BMPR1B: variants seen among roughly 807,000 people sequenced by gnomAD.
The protein encoded by BMPR1B is bone morphogenetic protein receptor type-1B.
BMPR1B carries 12 observed loss-of-function variants against 59.1 expected under a neutral mutation model. That is an observed-to-expected ratio of 0.20 (90% CI 0.13 to 0.33). The LOEUF (loss-of-function observed/expected upper bound fraction) is 0.33, where lower values mean the gene tolerates loss of function less well. BMPR1B is among the 10% of genes least tolerant of loss of function. The pLI is 1.00. For synonymous variants in BMPR1B, 237 were observed against 207.3 expected, an observed-to-expected ratio of 1.14 and a Z score of -1.23; for missense variants, 550 against 610.9, an observed-to-expected ratio of 0.90 and a Z score of 1.05.
At chr4:95,008,466 T>A (rs1219465770) in intron 3 of BMPR1B, among the ~76,000 whole-genome samples, 1 of 152,180 alleles carries the variant, frequency 6.6e-6, no homozygotes, top group African/African-American at 2.4e-5. Flanking sequence ...TACAGGGGGT[T>A]ATCCACATGG....
intron 2 of BMPR1B, among the ~76,000 whole-genome samples, chr4:94,876,214 C>T (rs953186183): frequency 1.3e-5 from 2 of 152,130 alleles, no homozygotes; most frequent in African/African-American, 4.8e-5. Context: ...TAACCTTTTA[C>T]CAACCATTGC....
intron 1 of BMPR1B, among the ~76,000 whole-genome samples, chr4:94,862,134 T>G (rs1465064562): frequency 6.6e-6 from 1 of 151,472 alleles, no homozygotes; most frequent in Non-Finnish European, 1.5e-5. Context: ...CTTGGGAGAT[T>G]CCAAATTATT....
chr4:95,087,218 G>T (rs371030151), intron 3 of BMPR1B, among the ~76,000 whole-genome samples: 1 of 152,004 alleles, frequency 6.6e-6, no homozygotes, highest in African/African-American at 2.4e-5. Flanking sequence ...AGTGGAGACA[G>T]GGTTTGGCCA....
At chr4:95,036,054 G>A (rs1725219374) in intron 3 of BMPR1B, among the ~76,000 whole-genome samples, 1 of 151,944 alleles carries the variant, frequency 6.6e-6, no homozygotes, top group African/African-American at 2.4e-5. Context: ...ATCATAAAAG[G>A]AGTTGAGTTC....
chr4:94,902,086 TG>T (rs745912953), intron 2 of BMPR1B, among the ~76,000 whole-genome samples: 4 of 111,898 alleles, frequency 3.6e-5, no homozygotes, highest in African/African-American at 6.6e-5. Context: ...TGTGTGTGTG[TG>T]GGGTGTATTT....
chr4:94,985,429 G>A (rs1721335024), intron 2 of BMPR1B, among the ~76,000 whole-genome samples: 1 of 152,032 alleles, frequency 6.6e-6, no homozygotes, highest in African/African-American at 2.4e-5. Flanking sequence ...GAGAGCAGAA[G>A]TGAGACACTG....
intron 3 of BMPR1B, among the ~76,000 whole-genome samples, chr4:95,097,217 A>T (rs1027994869): frequency 1.3e-5 from 2 of 150,324 alleles, no homozygotes; most frequent in African/African-American, 4.9e-5. Flanking sequence ...TGTTTTAAAG[A>T]TCAGTTATTA....
chr4:95,023,244 A>G, intron 3 of BMPR1B, among the ~76,000 whole-genome samples: 1 of 152,170 alleles, frequency 6.6e-6, no homozygotes, highest in East Asian at 1.9e-4. Flanking sequence ...CATACAACAC[A>G]TGCCTGCCAA....
chr4:94,773,451 A>G (rs1464334006), intron 1 of BMPR1B, among the ~76,000 whole-genome samples: 1 of 152,112 alleles, frequency 6.6e-6, no homozygotes, highest in African/African-American at 2.4e-5. Context: ...TACAAATCTA[A>G]TAATTATACA....
chr4:95,044,770 C>T (rs1162824555), intron 3 of BMPR1B, among the ~76,000 whole-genome samples: 3 of 151,976 alleles, frequency 2.0e-5, no homozygotes, highest in Non-Finnish European at 4.4e-5. Context: ...CAAATTAGAA[C>T]GGGGTGGGGA....
At chr4:94,815,042 T>TG (rs1306019860) in intron 1 of BMPR1B, among the ~76,000 whole-genome samples, 1 of 152,152 alleles carries the variant, frequency 6.6e-6, no homozygotes, top group African/African-American at 2.4e-5. Context: ...TAGCTGGGAT[T>TG]ACAGGCACCT....
chr4:94,994,580 C>G (rs1434760551), intron 2 of BMPR1B, among the ~76,000 whole-genome samples: 1 of 152,180 alleles, frequency 6.6e-6, no homozygotes, highest in Non-Finnish European at 1.5e-5. Context: ...TTTGCCTGTT[C>G]AGCACCTATA....
chr4:94,796,043 C>T (rs1310605475), intron 1 of BMPR1B, among the ~76,000 whole-genome samples: 1 of 151,634 alleles, frequency 6.6e-6, no homozygotes, highest in African/African-American at 2.4e-5. Context: ...CGGCTTACTG[C>T]AACCTCTACC....
At chr4:94,821,761 C>T (rs1724218928) in intron 1 of BMPR1B, among the ~76,000 whole-genome samples, 1 of 152,208 alleles carries the variant, frequency 6.6e-6, no homozygotes, top group East Asian at 1.9e-4. Flanking sequence ...TAAATGCTTT[C>T]TTGTTGAAGT....
chr4:94,982,228 A>T (rs780344388), intron 2 of BMPR1B, among the ~76,000 whole-genome samples: 2 of 152,194 alleles, frequency 1.3e-5, no homozygotes, highest in African/African-American at 2.4e-5. Context: ...CATTTCAAGA[A>T]TTGCTTTCAT....
intron 3 of BMPR1B, among the ~76,000 whole-genome samples, chr4:95,038,059 T>C (rs1377404462): frequency 1.3e-5 from 2 of 151,992 alleles, no homozygotes; most frequent in African/African-American, 4.8e-5. Flanking sequence ...AATGGGGTGG[T>C]TGTAGTAGTA....
At chr4:94,842,973 A>C (rs1195708941) in intron 1 of BMPR1B, among the ~76,000 whole-genome samples, 2 of 152,206 alleles carry the variant, frequency 1.3e-5, no homozygotes, top group Non-Finnish European at 2.9e-5. Context: ...TTTAATACCC[A>C]GATTTCATGA....
chr4:94,782,791 G>T (rs1722633057), intron 1 of BMPR1B, among the ~76,000 whole-genome samples: 1 of 152,014 alleles, frequency 6.6e-6, no homozygotes, highest in Non-Finnish European at 1.5e-5. Flanking sequence ...CTAACATCTG[G>T]GCTCTCTCAC....
intron 2 of BMPR1B, among the ~76,000 whole-genome samples, chr4:94,893,712 C>T (rs1727482958): frequency 1.3e-5 from 2 of 151,888 alleles, no homozygotes; most frequent in Admixed American, 1.3e-4. Context: ...GGTGCCTTTC[C>T]ATTCCTATAA....
Sources: gnomAD v4.1 joint callset for allele counts (sites outside exome capture counted in the v4.1 genomes callset) on GRCh38, gnomAD v4.1.1 for gene constraint, MANE v1.5 for transcripts, NCBI Gene and HGNC (gene_info 2026-07-23, HGNC 2026-07-21) for gene names.